Variants in CISD3 observed in about 807,000 individuals in gnomAD.
CISD3 encodes the protein CDGSH iron sulfur domain 3, also known as CDGSH iron-sulfur domain-containing protein 3, mitochondrial.
In CISD3, 11 loss-of-function variants were observed where a neutral mutation model predicts 14.1. That is an observed-to-expected ratio of 0.78 (90% CI 0.49 to 1.29). CISD3 has a LOEUF of 1.29. Ranked by LOEUF, CISD3 falls within the 50% of genes most tolerant of loss-of-function variation. The pLI is 0.00. For missense variants in CISD3, 156 were observed against 171.6 expected, an observed-to-expected ratio of 0.91 and a Z score of 0.51; for synonymous variants, 53 against 69.2, an observed-to-expected ratio of 0.77 and a Z score of 1.16.
At chr17:38,733,200 C>T (rs1906419832) in intron 3 of CISD3, 76 bp from the exon 4 acceptor site, 1 of 1,420,468 alleles carries the variant, frequency 7.0e-7, no homozygotes, top group Non-Finnish European at 9.5e-7. Context: ...TCCACTCCCC[C>T]TGAGCTCCTG....
In CISD3 at chr17:38,733,273, C is replaced by G. The variant is rs1198612762; in HGVS notation, c.205-3C>G. On this transcript the variant is annotated splice_polypyrimidine_tract_variant and splice_region_variant and intron_variant, in intron 3 of 3. Transcript: ENST00000613478. The stretch of plus-strand genomic sequence containing the variant: ...TCTTTGACTCCTGTCTTTCCCCCAC[C>G]AGCCCTTCTGTGACGGCTCCCACTT... The G allele has an allele frequency of 1.3e-6, 2 of 1,551,614 alleles. No homozygotes were observed. The highest frequency in any genetic ancestry group is 2.4e-5 in the East Asian group (1 of 40,918).
chr17:38,730,683 T>TTCCC, intron 1 of CISD3, 77 bp from the exon 2 acceptor site: 1 of 1,454,102 alleles, frequency 6.9e-7, no homozygotes, highest in East Asian at 2.5e-5. Flanking sequence ...TCCCGTGTCC[T>TTCCC]TCCCTTTCCA....
rs929240652 is a variant in CISD3 at position 38,730,540 on chromosome 17, C to T, written c.48+134C>T. The T allele has an allele frequency of 6.5e-6, 6 of 920,168 alleles. No individual in the cohort carries two copies. In the African/African-American group the frequency reaches 1.0e-4, roughly 15 times the overall value. The allele number at this position is 920,168 out of a possible 1,614,324, so 57.0% of individuals were successfully genotyped here. ...CCCGCCGGTGTCTGGCTTGCCTCAG[C>T]TCACAGGCTTTTCCCGAGCGCCAGT... On this transcript the variant is annotated intron_variant, in intron 1 of 3. Coordinates refer to ENST00000613478, the MANE Select transcript of CISD3 (RefSeq NM_001136498.2).
In CISD3 at chr17:38,734,280, CTGTT is replaced by C. The variant is rs775732069; in HGVS notation, c.*828_*831del. ...TGGGGGTGGAGGGGCAATTGGAAGG[CTGTT>C]TGCCTCTGGCAAAGTCTGGGATCTG... On this transcript the variant is annotated 3_prime_UTR_variant, in exon 4 of 4. Transcript: ENST00000613478. The C allele has an allele frequency of 4.6e-5, 7 of 152,692 alleles. No individual in the cohort carries two copies. Among genetic ancestry groups the C allele is most frequent in the Non-Finnish European group, 8.8e-5 (6 of 68,210 alleles). The allele number at this position is 152,692 out of a possible 1,614,324, so 9.5% of individuals were successfully genotyped here. A position where few individuals can be genotyped will look rare whatever the true frequency, so the allele number is the denominator to read the frequency against.
At chr17:38,730,482 G>C in intron 1 of CISD3, 76 bp downstream of exon 1, 1 of 1,138,000 alleles carries the variant, frequency 8.8e-7, no homozygotes, top group Non-Finnish European at 1.2e-6. Context: ...TCCAGCCCCG[G>C]CCCGGCCGAG....
At chr17:38,731,519 G>T in intron 3 of CISD3, 80 bp downstream of exon 3, 1 of 1,527,366 alleles carries the variant, frequency 6.5e-7, no homozygotes. Context: ...CACCCAGGAT[G>T]ATCTTATTCT....
At position 38,735,553 on chromosome 17, in the gene CISD3, C is replaced by T. The variant is rs1488266689; in HGVS notation, c.*2098C>T. ...GGGTGGGCACCGTGGCTAGGGTGAG[C>T]CGCTTGCAGGCTGGCTGGACACGGT... On this transcript the variant is annotated 3_prime_UTR_variant, in exon 4 of 4. Transcript: ENST00000613478. 4 of 1,585,136 alleles carry T rather than the reference C, an allele frequency of 2.5e-6. No homozygotes were observed. Among genetic ancestry groups the T allele is most frequent in the Non-Finnish European group, 2.6e-6 (3 of 1,165,028 alleles).
In CISD3 at chr17:38,735,076, C is replaced by CAT. The variant is rs557470857; in HGVS notation, c.*1634_*1635dup. 4.7e-3 allele frequency: 2,199 copies of CAT among 472,796 alleles called. 7 individuals carry two copies. Among genetic ancestry groups the CAT allele is most frequent in the Non-Finnish European group, 5.7e-3 (1,584 of 280,338 alleles). The allele number at this position is 472,796 out of a possible 1,614,324, so 29.3% of individuals were successfully genotyped here. On this transcript the variant is annotated 3_prime_UTR_variant, in exon 4 of 4. Transcript: ENST00000613478. The stretch of plus-strand genomic sequence containing the variant: ...ATGTATATTTGGTTTTTCCTATGTA[C>CAT]ATATATATATATATTTATTTATAAA...
In CISD3 at chr17:38,731,137, T is replaced by G. The variant is rs1276676292; in HGVS notation, c.85-183T>G. ...TGCCTGCATGGCTTTGAAATCTCCC[T>G]GTCCAAAGCTCACGGTCCTATGGTG... On this transcript the variant is annotated intron_variant, in intron 2 of 3. Coordinates refer to ENST00000613478, the MANE Select transcript of CISD3 (RefSeq NM_001136498.2). The G allele has an allele frequency of 5.1e-6, 4 of 778,154 alleles. No homozygotes were observed. In the East Asian group the frequency reaches 1.1e-4, roughly 21 times the overall value. 48.2% of individuals were successfully genotyped at this position (778,154 alleles called of 1,614,324 possible). A position where few individuals can be genotyped will look rare whatever the true frequency, so the allele number is the denominator to read the frequency against.
At chr17:38,733,240 G>C (rs1223954511) in intron 3 of CISD3, 36 bp from the exon 4 acceptor site, 10 of 1,537,034 alleles carry the variant, frequency 6.5e-6, no homozygotes, top group Non-Finnish European at 7.9e-6. Flanking sequence ...CCAGCAGGTG[G>C]GGTCAGGTCT....
intron 2 of CISD3, 25 bp from the exon 3 acceptor site, chr17:38,731,295 A>G: frequency 2.6e-6 from 4 of 1,550,084 alleles, no homozygotes; most frequent in Non-Finnish European, 2.6e-6. Flanking sequence ...GCTAACCCTG[A>G]GCCCCTCATC....
chr17:38,730,927 G>A (rs1906305330), intron 2 of CISD3, 132 bp downstream of exon 2: 1 of 1,014,000 alleles, frequency 9.9e-7, no homozygotes, highest in East Asian at 2.6e-5. Flanking sequence ...CTCTCAGGGA[G>A]GTGGGGCGGA....
intron 3 of CISD3, chr17:38,731,779 A>T: frequency 4.6e-5 from 13 of 284,996 alleles, no homozygotes; most frequent in South Asian, 3.2e-4. Context: ...TGGGCCACAG[A>T]TTCCCAGGCC....
At chr17:38,732,241 C>A (rs988771096) in intron 3 of CISD3, among the ~76,000 whole-genome samples, 1 of 152,212 alleles carries the variant, frequency 6.6e-6, no homozygotes, top group African/African-American at 2.4e-5. Flanking sequence ...TTGAGTCCCA[C>A]TTAGGTCCAT....
At position 38,730,812 on chromosome 17, in the gene CISD3, T is replaced by C. The variant is rs956322620; in HGVS notation, c.84+17T>C. ...TCCTGGCTGGTGAGTCCCCCCATCC[T>C]CCCCTCCTCCTCGCACAAGACCCCC... On this transcript the variant is annotated intron_variant, in intron 2 of 3. Coordinates refer to ENST00000613478, the MANE Select transcript of CISD3 (RefSeq NM_001136498.2). 5.8e-6 allele frequency: 9 copies of C among 1,550,210 alleles called. No homozygotes were observed. In the African/African-American group the frequency reaches 6.9e-5, roughly 12 times the overall value.
intron 1 of CISD3, 122 bp from the exon 2 acceptor site, chr17:38,730,638 C>T: frequency 1.9e-6 from 2 of 1,034,488 alleles, no homozygotes; most frequent in African/African-American, 1.6e-5. Context: ...TCCCTCGCCC[C>T]TTCAGCCCTG....
chr17:38,731,220 C>G, intron 2 of CISD3, 100 bp from the exon 3 acceptor site: 1 of 1,466,392 alleles, frequency 6.8e-7, no homozygotes, highest in Non-Finnish European at 9.1e-7. Context: ...AGGAAACCTG[C>G]CACACACACA....
Position 38,735,365 on chromosome 17 carries a change from G to A in CISD3, c.*1910G>A. ...GGCTGTCGAAGGGGGAGTGGGGGAG[G>A]TAGGGTGGGTGGCTGGAGGCCCATG... On this transcript the variant is annotated 3_prime_UTR_variant, in exon 4 of 4. Coordinates refer to ENST00000613478, the MANE Select transcript of CISD3 (RefSeq NM_001136498.2). The A allele has an allele frequency of 6.4e-7, 1 of 1,562,632 alleles. No homozygotes were observed. Among genetic ancestry groups the A allele is most frequent in the Non-Finnish European group, 8.7e-7 (1 of 1,152,186 alleles).
In CISD3 at chr17:38,735,576, G is replaced by A. The variant is rs370844202; in HGVS notation, c.*2121G>A. On this transcript the variant is annotated 3_prime_UTR_variant, in exon 4 of 4. Coordinates refer to ENST00000613478, the MANE Select transcript of CISD3 (RefSeq NM_001136498.2). ...AGCCGCTTGCAGGCTGGCTGGACAC[G>A]GTACTTGAGGGGGAGAGGCCCGTTC... 37 of 1,577,456 alleles carry A rather than the reference G, an allele frequency of 2.3e-5. No individual in the cohort carries two copies. Among genetic ancestry groups the A allele is most frequent in the Admixed American group, 7.1e-5 (4 of 56,206 alleles).
Sources: allele counts gnomAD v4.1 joint callset (sites outside exome capture counted in the v4.1 genomes callset), GRCh38; gene constraint gnomAD v4.1.1; transcripts MANE v1.5; gene names NCBI Gene and HGNC (gene_info 2026-07-23, HGNC 2026-07-21).